GRIK1: variants seen among roughly 807,000 people sequenced by gnomAD.
The protein encoded by GRIK1 is glutamate receptor ionotropic, kainate 1.
A neutral mutation model predicts 105.7 loss-of-function variants in GRIK1; 69 were observed. The observed-to-expected ratio is 0.65, with a 90% CI of 0.54 to 0.80. The LOEUF (loss-of-function observed/expected upper bound fraction) is 0.80. Ranked by LOEUF, GRIK1 falls within the 30% of genes least tolerant of loss-of-function variation. The probability of loss-of-function intolerance (pLI) is 0.00; values close to 1 mark genes in which losing one functional copy is unlikely to be tolerated. For missense variants in GRIK1, 1,109 were observed against 1,167.3 expected (o/e 0.95, Z 0.73); for synonymous variants, 438 against 431.3 (o/e 1.02, Z -0.19).
intron 1 of GRIK1, among the ~76,000 whole-genome samples, chr21:29,792,753 A>G (rs2066455024): frequency 6.6e-6 from 1 of 152,220 alleles, no homozygotes; most frequent in Non-Finnish European, 1.5e-5. Flanking sequence ...GCAAGTTGCA[A>G]GGTACACCTA....
chr21:29,841,321 C>G (rs909671947), intron 1 of GRIK1, among the ~76,000 whole-genome samples: 24 of 152,130 alleles, frequency 1.6e-4, no homozygotes, highest in Non-Finnish European at 2.9e-4. Flanking sequence ...CTAAGCTTGT[C>G]TATGGCTTCT....
At chr21:29,824,609 A>G (rs929777496) in intron 1 of GRIK1, among the ~76,000 whole-genome samples, 1 of 151,990 alleles carries the variant, frequency 6.6e-6, no homozygotes, top group Admixed American at 6.6e-5. Flanking sequence ...CTGGGGGAGA[A>G]AAAACCTTGA....
intron 1 of GRIK1, among the ~76,000 whole-genome samples, chr21:29,807,021 G>A (rs1034862907): frequency 4.6e-5 from 7 of 152,046 alleles, no homozygotes; most frequent in Non-Finnish European, 7.4e-5. Context: ...TTTTCCATAC[G>A]ACTTGATTCA....
rs777125395 is a variant in GRIK1, at chr21:29,673,182, A to G, written c.545-18T>C. The G allele has an allele frequency of 1.4e-5, 21 of 1,545,018 alleles. No homozygotes were observed. Among genetic ancestry groups the G allele is most frequent in the African/African-American group, 1.4e-4 (10 of 73,636 alleles). On this transcript the variant is annotated intron_variant, in intron 3 of 17. Transcript: ENST00000327783. ...AATTAGACCTAGAAAATGACATGCA[A>G]TCATGCAATGGAGACTGTTCTGTCG...
intron 1 of GRIK1, among the ~76,000 whole-genome samples, chr21:29,761,711 CTCTCTTTCTTTCCTTCCTTCCTTCTT>C (rs1419068925): frequency 6.7e-6 from 1 of 150,024 alleles, no homozygotes. Context: ...TCTTTTCTTT[CTCTCTTTCTTTCCTTCCTTCCTTCTT>C]TCTCTTTCTT....
intron 1 of GRIK1, among the ~76,000 whole-genome samples, chr21:29,932,509 A>G (rs1463051972): frequency 6.6e-6 from 1 of 152,084 alleles, no homozygotes; most frequent in Non-Finnish European, 1.5e-5. Flanking sequence ...AAATATTTTT[A>G]CTTCTTTCCT....
chr21:29,927,779 G>A (rs939379450), intron 1 of GRIK1, among the ~76,000 whole-genome samples: 30 of 152,034 alleles, frequency 2.0e-4, no homozygotes, highest in Non-Finnish European at 1.3e-4. Context: ...GCTGAGGCAG[G>A]AGAATCACTT....
chr21:29,598,951 G>C lies in GRIK1; in HGVS notation c.1099-14C>G. 8.5e-7 allele frequency: 1 copy of C among 1,179,674 alleles called. No individual in the cohort carries two copies. Among genetic ancestry groups the C allele is most frequent in the Non-Finnish European group, 1.2e-6 (1 of 805,490 alleles). The allele number at this position is 1,179,674 out of a possible 1,614,324, so 73.1% of individuals were successfully genotyped here. On this transcript the variant is annotated splice_polypyrimidine_tract_variant and intron_variant, in intron 7 of 17. Coordinates refer to ENST00000327783, the MANE Select transcript of GRIK1 (RefSeq NM_001330994.2). ...ATCCCACCGGGCCTGTGGACAAGAAGAAATGTGGCTGTTATTGTTAAACAT... is the reference window on the plus strand; with the variant it reads ...ATCCCACCGGGCCTGTGGACAAGAACAAATGTGGCTGTTATTGTTAAACAT...
chr21:29,593,189 A>T (rs2061357257), intron 9 of GRIK1, among the ~76,000 whole-genome samples: 1 of 152,204 alleles, frequency 6.6e-6, no homozygotes, highest in Admixed American at 6.5e-5. Context: ...AGAAATAAAG[A>T]GACAGGTATA....
intron 7 of GRIK1, among the ~76,000 whole-genome samples, chr21:29,607,547 A>G (rs1235114349): frequency 1.3e-5 from 2 of 152,196 alleles, no homozygotes; most frequent in South Asian, 2.1e-4. Flanking sequence ...GTTTAAATAC[A>G]TTGTATTGCT....
intron 1 of GRIK1, among the ~76,000 whole-genome samples, chr21:29,849,531 G>A (rs966858114): frequency 5.3e-5 from 8 of 152,308 alleles, no homozygotes; most frequent in Middle Eastern, 3.4e-3. Flanking sequence ...GTCAGACACA[G>A]TTCTTATGTA....
intron 3 of GRIK1, among the ~76,000 whole-genome samples, chr21:29,686,920 G>A (rs540868352): frequency 1.3e-3 from 194 of 152,316 alleles, no homozygotes; most frequent in Non-Finnish European, 2.2e-3. Flanking sequence ...ATGAGGGGAG[G>A]TCAATGGGCA....
At chr21:29,549,676 A>T (rs181808527) in intron 16 of GRIK1, among the ~76,000 whole-genome samples, 13,536 of 151,902 alleles carry the variant, frequency 0.089, 838 homozygotes, top group African/African-American at 0.17. Flanking sequence ...TGAAAAAAAA[A>T]TTGTTTTCCT....
rs1220124949 is a variant in GRIK1, at chr21:29,830,347, ACACACACACACACACT to A, written c.118+109020_118+109035del. 3.3e-3 allele frequency among the ~76,000 whole-genome samples: 487 copies of A among 146,376 alleles called. 6 individuals are homozygous for A. The highest frequency in any genetic ancestry group is 0.011 in the African/African-American group (440 of 41,014). ...CACACACACACACACACACACACAC[ACACACACACACACACT>A]CACACACATATTCTTATACAAAACA... is the stretch of plus-strand genomic sequence containing the variant. On this transcript the variant is annotated intron_variant, in intron 1 of 17. Coordinates refer to ENST00000327783, the MANE Select transcript of GRIK1 (RefSeq NM_001330994.2).
At chr21:29,708,208 G>A (rs1387294883) in intron 1 of GRIK1, among the ~76,000 whole-genome samples, 3 of 152,222 alleles carry the variant, frequency 2.0e-5, no homozygotes, top group East Asian at 3.9e-4. Flanking sequence ...GCTTCAAGTT[G>A]CATCCGTTTG....
At chr21:29,742,717 C>T (rs1025867206) in intron 1 of GRIK1, among the ~76,000 whole-genome samples, 3 of 152,186 alleles carry the variant, frequency 2.0e-5, no homozygotes, top group African/African-American at 7.2e-5. Context: ...AATTTACTCA[C>T]GGTTTCTTCT....
intron 1 of GRIK1, among the ~76,000 whole-genome samples, chr21:29,751,048 G>C (rs13050938): frequency 0.52 from 79,356 of 151,952 alleles, 24,477 homozygotes; most frequent in Non-Finnish European, 0.69. Context: ...GGTGCTCAGT[G>C]GGGGACCTTT....
At chr21:29,656,372 A>T (rs1292664706) in intron 4 of GRIK1, among the ~76,000 whole-genome samples, 1 of 101,028 alleles carries the variant, frequency 9.9e-6, no homozygotes, top group African/African-American at 4.5e-5. Context: ...AAAAAAAAAA[A>T]AAAAAAAAAA....
At chr21:29,833,995 C>G (rs2067711554) in intron 1 of GRIK1, among the ~76,000 whole-genome samples, 1 of 151,966 alleles carries the variant, frequency 6.6e-6, no homozygotes, top group South Asian at 2.1e-4. Flanking sequence ...AAGTAAAGTG[C>G]TTTATATAAT....
Sources: gnomAD v4.1 joint callset for allele counts (sites outside exome capture counted in the v4.1 genomes callset) on GRCh38, gnomAD v4.1.1 for gene constraint, MANE v1.5 for transcripts, NCBI Gene and HGNC (gene_info 2026-07-23, HGNC 2026-07-21) for gene names.